Variants in THADA observed in about 807,000 individuals in gnomAD.
THADA encodes THADA armadillo repeat containing.
In THADA, 213 loss-of-function variants were observed where a neutral mutation model predicts 219.8. The ratio of observed to expected loss-of-function variants is 0.97; its 90% CI spans 0.87 to 1.09. The LOEUF (loss-of-function observed/expected upper bound fraction) is 1.09, where lower values mean the gene tolerates loss of function less well. Among genes scored for constraint, THADA ranks in the 50% least tolerant of loss-of-function variants. THADA has a pLI of 0.00. For synonymous variants in THADA, 1,018 were observed against 828.9 expected (o/e 1.23, Z -3.92); for missense variants, 2,956 against 2,311.3 (o/e 1.28, Z -5.72).
At chr2:43,579,300 TAC>T (rs1283781384) in intron 8 of THADA, among the ~76,000 whole-genome samples, 1 of 152,190 alleles carries the variant, frequency 6.6e-6, no homozygotes, top group African/African-American at 2.4e-5. Flanking sequence ...AATCACCATA[TAC>T]ACAGACTTTT....
At chr2:43,501,672 G>A (rs1272652656) in intron 24 of THADA, among the ~76,000 whole-genome samples, 1 of 152,184 alleles carries the variant, frequency 6.6e-6, no homozygotes, top group Non-Finnish European at 1.5e-5. Context: ...GGCCAGGTGT[G>A]GTGGCTCACG....
chr2:43,554,762 T>TG (rs1697150582), intron 17 of THADA, among the ~76,000 whole-genome samples: 2 of 152,202 alleles, frequency 1.3e-5, no homozygotes, highest in African/African-American at 2.4e-5. Context: ...ACATACTTTG[T>TG]GACCAGGTTA....
At chr2:43,414,829 T>C (rs1196318344) in intron 28 of THADA, among the ~76,000 whole-genome samples, 4 of 152,166 alleles carry the variant, frequency 2.6e-5, no homozygotes, top group Non-Finnish European at 5.9e-5. Context: ...CTTGGAACTA[T>C]TCTGGGAGGG....
chr2:43,570,114 G>C (rs1314997515), intron 14 of THADA, among the ~76,000 whole-genome samples: 1 of 152,170 alleles, frequency 6.6e-6, no homozygotes, highest in East Asian at 1.9e-4. Flanking sequence ...TCTGTTAAAA[G>C]TACTAAATTC....
intron 22 of THADA, among the ~76,000 whole-genome samples, chr2:43,514,992 A>AAT (rs1360356071): frequency 5.6e-5 from 3 of 53,330 alleles, no homozygotes; most frequent in East Asian, 1.1e-3. Context: ...TTTTATATAT[A>AAT]ATATATAATA....
chr2:43,354,607 A>C (rs1558629879), intron 29 of THADA, among the ~76,000 whole-genome samples: 1 of 152,124 alleles, frequency 6.6e-6, no homozygotes, highest in Non-Finnish European at 1.5e-5. Flanking sequence ...TGAAAACATG[A>C]AATTTGTCTT....
chr2:43,272,022 T>C (rs1672180752), intron 36 of THADA, among the ~76,000 whole-genome samples: 1 of 152,196 alleles, frequency 6.6e-6, no homozygotes, highest in Non-Finnish European at 1.5e-5. Context: ...GGGTGGTTAC[T>C]GTAGTCTGAG....
At chr2:43,532,636 G>A (rs1694033032) in intron 21 of THADA, among the ~76,000 whole-genome samples, 1 of 152,072 alleles carries the variant, frequency 6.6e-6, no homozygotes. Context: ...CAAACCCATA[G>A]CCAATATCAC....
rs776041607 is a variant in THADA, at chr2:43,430,258, G to C, written c.3881C>G (p.Pro1294Arg). The change falls in exon 27 of 38, where the codon CCT becomes CGT. Residue 1294 changes from proline (P) to arginine (R), a missense_variant. Physicochemically the swap from Pro to Arg is moderately radical, Grantham distance 103. Transcript: ENST00000405975. The stretch of plus-strand genomic sequence containing the variant: ...AGTTTCCAACTGTTTGAGAAGAAAA[G>C]GATAGAGTTCTGGGAAACGAGAGAA... ...EFFSRFPELY[P>R]FLLKQLETVA... is the part of the protein sequence containing the mutation. 1 of 1,552,278 alleles carries C rather than the reference G, an allele frequency of 6.4e-7. No individual in the cohort carries two copies. Among genetic ancestry groups the C allele is most frequent in the African/African-American group, 1.4e-5 (1 of 73,246 alleles).
chr2:43,589,805 C>G (rs1015939789), intron 4 of THADA, among the ~76,000 whole-genome samples: 1 of 151,692 alleles, frequency 6.6e-6, no homozygotes, highest in Non-Finnish European at 1.5e-5. Flanking sequence ...CAAGTACCAC[C>G]TGTTGCCCAA....
intron 20 of THADA, among the ~76,000 whole-genome samples, chr2:43,546,253 G>T (rs961116111): frequency 1.2e-4 from 18 of 152,156 alleles, no homozygotes; most frequent in African/African-American, 4.1e-4. Context: ...TATAATGTCT[G>T]ATCTTTTACA....
At chr2:43,490,987 T>A (rs145903685) in intron 25 of THADA, among the ~76,000 whole-genome samples, 3 of 152,170 alleles carry the variant, frequency 2.0e-5, no homozygotes, top group African/African-American at 4.8e-5. Context: ...ATTGTAAATA[T>A]AGAGCAAAAT....
chr2:43,431,243 C>T (rs1255491523), intron 26 of THADA, among the ~76,000 whole-genome samples: 1 of 152,122 alleles, frequency 6.6e-6, no homozygotes, highest in African/African-American at 2.4e-5. Flanking sequence ...CGTTTTTACA[C>T]ACAGCAAAAT....
chr2:43,446,582 C>A (rs1681586236), intron 26 of THADA, among the ~76,000 whole-genome samples: 1 of 152,212 alleles, frequency 6.6e-6, no homozygotes, highest in African/African-American at 2.4e-5. Context: ...CCTGAGTGAT[C>A]CCAGATGACA....
intron 28 of THADA, among the ~76,000 whole-genome samples, chr2:43,404,429 G>A (rs1675284102): frequency 6.8e-6 from 1 of 147,820 alleles, no homozygotes; most frequent in Non-Finnish European, 1.5e-5. Context: ...CTGGCCTGAA[G>A]TGCTCCTCCC....
intron 36 of THADA, among the ~76,000 whole-genome samples, chr2:43,245,172 C>CTTTTTTTTTTTT (rs200036949): frequency 0.01 from 1,048 of 102,990 alleles, 116 homozygotes; most frequent in African/African-American, 0.026. Context: ...CTTTCTTCTT[C>CTTTTTTTTTTTT]TTTTTTTTTT....
At chr2:43,246,188 C>T (rs1669126083) in intron 36 of THADA, among the ~76,000 whole-genome samples, 1 of 151,884 alleles carries the variant, frequency 6.6e-6, no homozygotes, top group Admixed American at 6.6e-5. Context: ...AGGCACCCGC[C>T]TCCCAGTCTT....
chr2:43,247,709 C>G (rs1245383857), intron 36 of THADA, among the ~76,000 whole-genome samples: 1 of 113,746 alleles, frequency 8.8e-6, no homozygotes, highest in Non-Finnish European at 1.6e-5. Flanking sequence ...AGACTGGCGA[C>G]AGAGCAAGAC....
At chr2:43,543,241 A>C (rs911594615) in intron 20 of THADA, among the ~76,000 whole-genome samples, 32 of 134,674 alleles carry the variant, frequency 2.4e-4, no homozygotes, top group South Asian at 7.6e-4. Flanking sequence ...TCCATGGTGT[A>C]TATATGCCAC....
Sources: gnomAD v4.1 joint callset for allele counts (sites outside exome capture counted in the v4.1 genomes callset) on GRCh38, gnomAD v4.1.1 for gene constraint, MANE v1.5 for transcripts, NCBI Gene and HGNC (gene_info 2026-07-23, HGNC 2026-07-21) for gene names.